The following MROH7 variants were observed in gnomAD, a reference collection of about 807,000 sequenced individuals.
The protein encoded by MROH7 is maestro heat-like repeat-containing protein family member 7.
A neutral mutation model predicts 129.2 loss-of-function variants in MROH7; 113 were observed. That is an observed-to-expected ratio of 0.87 (90% CI 0.75 to 1.02). The LOEUF is 1.02. Among genes scored for constraint, MROH7 ranks in the 50% least tolerant of loss-of-function variants. The pLI is 0.00. For missense variants in MROH7, 1,601 were observed against 1,671.3 expected, an observed-to-expected ratio of 0.96 and a Z score of 0.73; for synonymous variants, 655 against 667.9, an observed-to-expected ratio of 0.98 and a Z score of 0.30.
At position 54,653,165 on chromosome 1, in the gene MROH7, C is replaced by A; in HGVS notation, c.239C>A (p.Thr80Asn). The A allele has an allele frequency of 1.1e-5, 18 of 1,614,146 alleles. No homozygotes were observed. Among genetic ancestry groups the A allele is most frequent in the Non-Finnish European group, 1.4e-5 (16 of 1,180,018 alleles). The change falls in exon 3 of 24, where the codon ACC becomes AAC. Residue 80 changes from threonine to asparagine, a missense_variant. Thr to Asn is a moderately conservative substitution (Grantham distance 65). Coordinates refer to ENST00000421030, the MANE Select transcript of MROH7 (RefSeq NM_001039464.4). ...GCCTCAGGCCTGGTGTCTGAAAACA[C>A]CCCCAGACCTGATGACAGCAGAGCT... ...GEASGLVSENTPRPDDSRAIA... is the reference protein window; with the variant it reads ...GEASGLVSENNPRPDDSRAIA...
intron 5 of MROH7, among the ~76,000 whole-genome samples, chr1:54,670,003 CAAAAAAA>C (rs34295281): frequency 1.9e-5 from 2 of 105,198 alleles, no homozygotes; most frequent in Non-Finnish European, 4.3e-5. Flanking sequence ...GACTTCATGT[CAAAAAAA>C]AAAAAAAAAA....
chr1:54,660,318 C>T (rs924563293), intron 3 of MROH7, among the ~76,000 whole-genome samples: 8 of 152,156 alleles, frequency 5.3e-5, no homozygotes, highest in East Asian at 3.8e-4. Flanking sequence ...CCATTCTAGA[C>T]GGTGGAGCCC....
At chr1:54,655,877 G>A (rs1245206810) in intron 3 of MROH7, among the ~76,000 whole-genome samples, 12 of 149,326 alleles carry the variant, frequency 8.0e-5, no homozygotes, top group Admixed American at 7.5e-4. Flanking sequence ...TGGGCTAATC[G>A]TAGATACTTT....
intron 1 of MROH7, among the ~76,000 whole-genome samples, chr1:54,649,596 G>A (rs1415771000): frequency 6.6e-6 from 1 of 152,260 alleles, no homozygotes; most frequent in Non-Finnish European, 1.5e-5. Flanking sequence ...ACCTGGTATG[G>A]TGCATCTGCT....
intron 13 of MROH7, among the ~76,000 whole-genome samples, chr1:54,680,896 C>T (rs982012320): frequency 6.6e-6 from 1 of 152,156 alleles, no homozygotes; most frequent in African/African-American, 2.4e-5. Context: ...TGGCACATCC[C>T]AGTCTCCCAC....
At position 54,706,478 on chromosome 1, in the gene MROH7, G is replaced by A; in HGVS notation, c.3608G>A (p.Ser1203Asn). ...RDSAFIFLSQ[S>N]LEYAKNSRAS... ...AGCGCCTTCATATTCCTCAGCCAGA[G>A]CCTGGAGTATGCCAAGAACTCACGG... The change falls in exon 22 of 24, where the codon AGC (serine) becomes AAC (asparagine). Residue 1203 changes from serine (S) to asparagine (N), a missense_variant. Ser to Asn is a conservative substitution (Grantham distance 46). Coordinates refer to ENST00000421030, the MANE Select transcript of MROH7 (RefSeq NM_001039464.4). 1.9e-6 allele frequency: 3 copies of A among 1,613,630 alleles called. No individual in the cohort carries two copies. The highest frequency in any genetic ancestry group is 4.5e-5 in the East Asian group (2 of 44,820).
At position 54,710,232 on chromosome 1, in the gene MROH7, C is replaced by A. The variant is rs371148001; in HGVS notation, c.*45C>A. The A allele has an allele frequency of 1.3e-4, 211 of 1,591,972 alleles. No homozygotes were observed. The highest frequency in any genetic ancestry group is 1.8e-4 in the Non-Finnish European group (206 of 1,170,926). ...CTCCTCAGGGTGGTTGAGTTCCAGC[C>A]ATGCTCCCTATAAATGTCATGTGGC... On this transcript the variant is annotated 3_prime_UTR_variant, in exon 24 of 24. Transcript: ENST00000421030.
rs1644601742 is a variant in MROH7, at chr1:54,653,995, C to T, written c.1069C>T (p.Gln357Ter). The change falls in exon 3 of 24, where the codon CAG becomes TAG. Residue 357 changes from glutamine (Q) to a stop codon, truncating the protein, a stop_gained. Transcript: ENST00000421030. LOFTEE classifies it high-confidence loss of function. ...DTSTLTLSSQ[Q>*]DDAKDNSIHT... ...CTCCACCTTGACGCTGAGCAGTCAG[C>T]AGGATGATGCCAAGGACAACAGCAT... is the stretch of plus-strand genomic sequence containing the variant. The T allele has an allele frequency of 6.2e-7, 1 of 1,614,098 alleles. No individual in the cohort carries two copies. Among genetic ancestry groups the T allele is most frequent in the Admixed American group, 1.7e-5 (1 of 60,000 alleles).
Position 54,653,315 on chromosome 1 carries a change from G to T in MROH7, c.389G>T (p.Ser130Ile). The T allele has an allele frequency of 1.2e-6, 2 of 1,614,148 alleles. No homozygotes were observed. Among genetic ancestry groups the T allele is most frequent in the Non-Finnish European group, 1.7e-6 (2 of 1,180,028 alleles). ...RLCPASNPIL[S>I]PSSTEAPRLS... ...TGTCCAGCCTCAAACCCCATTCTGA[G>T]CCCTAGCTCTACTGAGGCCCCTCGT... The change falls in exon 3 of 24, where the codon AGC becomes ATC. Residue 130 changes from serine to isoleucine, a missense_variant. Transcript: ENST00000421030.
In MROH7 at chr1:54,678,762, A is replaced by C; in HGVS notation, c.1957A>C (p.Thr653Pro). The stretch of plus-strand genomic sequence containing the variant: ...TGCAGGAGCCAGAGATAAGGAAGAG[A>C]CCAACAAAAAGGAGCTATATGAGAG... ...LQKRARDKEETNKKELYESNK... is the reference protein window; with the variant it reads ...LQKRARDKEEPNKKELYESNK... Residue 653 changes from threonine (T) to proline (P), a missense_variant, in exon 11 of 24, where the codon ACC becomes CCC. Physicochemically the swap from Thr to Pro is conservative, Grantham distance 38 (BLOSUM62 -1). Transcript: ENST00000421030. 1.9e-6 allele frequency: 3 copies of C among 1,613,970 alleles called. No individual in the cohort carries two copies. The highest frequency in any genetic ancestry group is 2.5e-6 in the Non-Finnish European group (3 of 1,179,882).
chr1:54,655,108 G>A (rs1187158940), intron 3 of MROH7, among the ~76,000 whole-genome samples: 2 of 149,570 alleles, frequency 1.3e-5, no homozygotes, highest in Non-Finnish European at 1.5e-5. Flanking sequence ...TCTGCCTCCT[G>A]GGTTCAAGTG....
At chr1:54,699,516 C>T (rs1185000063) in intron 17 of MROH7, 2 of 152,560 alleles carry the variant, frequency 1.3e-5, no homozygotes, top group Admixed American at 1.3e-4. Context: ...CCAGGCTGGT[C>T]TTGAACTCCA....
At chr1:54,667,252 T>C (rs643893) in intron 4 of MROH7, among the ~76,000 whole-genome samples, 48,082 of 152,008 alleles carry the variant, frequency 0.32, 7,918 homozygotes, top group South Asian at 0.52. Flanking sequence ...AAATTAGCCA[T>C]CCCTCTGTCA....
chr1:54,678,610 G>A (rs985437144), intron 10 of MROH7, 132 bp from the exon 11 acceptor site: 6 of 633,214 alleles, frequency 9.5e-6, no homozygotes, highest in African/African-American at 3.7e-5. Context: ...TTGACTTGGG[G>A]GCTGGCTACA....
intron 21 of MROH7, among the ~76,000 whole-genome samples, chr1:54,705,163 C>T (rs576004970): frequency 6.6e-6 from 1 of 152,276 alleles, no homozygotes; most frequent in East Asian, 1.9e-4. Context: ...CCGTGGCTGC[C>T]AGCTTGTGAC....
At position 54,673,637 on chromosome 1, in the gene MROH7, G is replaced by C. The variant is rs1284127909; in HGVS notation, c.1696-64G>C. Reference sequence around the variant, plus strand: ...CCTGCTGATGGGTGAAGGCTGGCCTGTCCACCCAGCAGCAGGGGCTGTCAT... The same window carrying C: ...CCTGCTGATGGGTGAAGGCTGGCCTCTCCACCCAGCAGCAGGGGCTGTCAT... On this transcript the variant is annotated intron_variant, in intron 8 of 23. Coordinates refer to ENST00000421030, the MANE Select transcript of MROH7 (RefSeq NM_001039464.4). 4 of 1,272,992 alleles carry C rather than the reference G, an allele frequency of 3.1e-6. No individual in the cohort carries two copies. In the Admixed American group the frequency reaches 6.8e-5, roughly 22 times the overall value. The allele number at this position is 1,272,992 out of a possible 1,614,324, so 78.9% of individuals were successfully genotyped here.
intron 17 of MROH7, chr1:54,700,053 C>T (rs925562172): frequency 3.2e-5 from 21 of 662,872 alleles, no homozygotes; most frequent in East Asian, 1.1e-4. Context: ...AGGGTGGGCA[C>T]GCTGCTGTTA....
intron 16 of MROH7, 36 bp downstream of exon 16, chr1:54,692,597 G>A (rs747671532): frequency 6.3e-7 from 1 of 1,596,314 alleles, no homozygotes; most frequent in Non-Finnish European, 8.5e-7. Flanking sequence ...TGGGGTGGGA[G>A]GGAGAAAGAG....
intron 23 of MROH7, 135 bp downstream of exon 23, chr1:54,709,211 T>C: frequency 2.0e-6 from 1 of 508,550 alleles, no homozygotes; most frequent in Non-Finnish European, 3.2e-6. Flanking sequence ...TACTAGTTTT[T>C]TGTTTGTTTG....
Sources: gnomAD v4.1 joint callset for allele counts (sites outside exome capture counted in the v4.1 genomes callset) on GRCh38, gnomAD v4.1.1 for gene constraint, MANE v1.5 for transcripts, NCBI Gene and HGNC (gene_info 2026-07-23, HGNC 2026-07-21) for gene names.